Variants in PTPRM observed in about 807,000 individuals in gnomAD.
PTPRM encodes the protein receptor-type tyrosine-protein phosphatase mu.
Under a neutral mutation model 186.7 loss-of-function variants are expected in PTPRM, and 47 were observed. The ratio of observed to expected loss-of-function variants is 0.25; its 90% confidence interval spans 0.20 to 0.32. The LOEUF (loss-of-function observed/expected upper bound fraction) is 0.32, where lower values mean the gene tolerates loss of function less well. Ranked by LOEUF, PTPRM falls within the 10% of genes least tolerant of loss-of-function variation. PTPRM has a pLI of 1.00. For synonymous variants in PTPRM, 668 were observed against 674.9 expected (o/e 0.99, Z 0.16); for missense variants, 1,494 against 1,865.0 (o/e 0.80, Z 3.66).
chr18:7,849,613 G>C (rs930023299), intron 2 of PTPRM, among the ~76,000 whole-genome samples: 2 of 152,218 alleles, frequency 1.3e-5, no homozygotes, highest in African/African-American at 4.8e-5. Flanking sequence ...GAATTGGGCT[G>C]TCTGTTAATA....
chr18:8,296,545 C>A, intron 20 of PTPRM, 90 bp downstream of exon 20: 1 of 903,016 alleles, frequency 1.1e-6, no homozygotes, highest in Admixed American at 1.9e-5. Flanking sequence ...AGGAAATTTA[C>A]AGTGCAATTA....
intron 7 of PTPRM, among the ~76,000 whole-genome samples, chr18:8,000,450 A>C (rs914242635): frequency 3.3e-5 from 5 of 152,196 alleles, no homozygotes; most frequent in African/African-American, 1.2e-4. Flanking sequence ...AATATATAAA[A>C]TAATATGTTT....
At chr18:8,235,080 A>G (rs2094328612) in intron 14 of PTPRM, among the ~76,000 whole-genome samples, 1 of 152,072 alleles carries the variant, frequency 6.6e-6, no homozygotes, top group Non-Finnish European at 1.5e-5. Context: ...GGTATTAGGG[A>G]AATGCTGGCC....
chr18:8,097,023 G>A (rs2091047355), intron 11 of PTPRM, among the ~76,000 whole-genome samples: 1 of 149,376 alleles, frequency 6.7e-6, no homozygotes, highest in African/African-American at 2.6e-5. Flanking sequence ...GGTGGGGAGA[G>A]GAATGAGGGC....
intron 32 of PTPRM, among the ~76,000 whole-genome samples, chr18:8,402,519 A>G (rs2095877517): frequency 1.3e-5 from 2 of 152,216 alleles, no homozygotes; most frequent in African/African-American, 4.8e-5. Flanking sequence ...AATATGTTAA[A>G]AGGATGGCTC....
At chr18:7,730,491 C>T (rs879540861) in intron 1 of PTPRM, among the ~76,000 whole-genome samples, 2 of 152,184 alleles carry the variant, frequency 1.3e-5, no homozygotes, top group Non-Finnish European at 2.9e-5. Context: ...GCACTGAATA[C>T]ACTTAGCACT....
rs755752246 is a variant in PTPRM, at chr18:7,888,275, C to T, written c.366C>T (p.Asn122=). 2.1e-5 allele frequency: 34 copies of T among 1,613,998 alleles called. No individual in the cohort carries two copies. Among genetic ancestry groups the T allele is most frequent in the South Asian group, 1.5e-4 (14 of 91,070 alleles). ...GLLNVYVKVN[N]GPLGNPIWNI... is the part of the protein sequence containing the mutation. ...TCAATGTCTACGTGAAGGTCAATAA[C>T]GGGCCACTGGGGAATCCTATCTGGA... The change falls in exon 3 of 33, where the codon AAC becomes AAT. Residue 122 remains asparagine, a synonymous_variant. Coordinates refer to ENST00000580170, the MANE Select transcript of PTPRM (RefSeq NM_001105244.2).
At chr18:8,220,629 C>T (rs1436968304) in intron 14 of PTPRM, among the ~76,000 whole-genome samples, 1 of 152,156 alleles carries the variant, frequency 6.6e-6, no homozygotes, top group Non-Finnish European at 1.5e-5. Context: ...GTTAGGAAAG[C>T]TGTAGTTCCT....
intron 2 of PTPRM, among the ~76,000 whole-genome samples, chr18:7,790,366 C>T (rs1422655828): frequency 6.6e-6 from 1 of 152,190 alleles, no homozygotes; most frequent in African/African-American, 2.4e-5. Flanking sequence ...AGGCAGCATC[C>T]TGCCCATGTT....
chr18:7,858,468 A>C (rs1435104818), intron 2 of PTPRM, among the ~76,000 whole-genome samples: 1 of 152,094 alleles, frequency 6.6e-6, no homozygotes, highest in Non-Finnish European at 1.5e-5. Context: ...TGAGGTGGGA[A>C]GATTGATCGC....
At chr18:8,248,064 G>T (rs545155111) in intron 16 of PTPRM, 86 bp from the exon 17 acceptor site, 15 of 1,398,434 alleles carry the variant, frequency 1.1e-5, no homozygotes, top group East Asian at 9.1e-5. Context: ...TTTCTATGCA[G>T]AAAATAGGGG....
chr18:7,985,616 G>C, intron 7 of PTPRM, among the ~76,000 whole-genome samples: 1 of 150,206 alleles, frequency 6.7e-6, no homozygotes, highest in Non-Finnish European at 1.5e-5. Flanking sequence ...TACATATACT[G>C]GTAGATACGT....
chr18:7,608,200 G>C (rs2037583893), intron 1 of PTPRM, among the ~76,000 whole-genome samples: 6 of 152,176 alleles, frequency 3.9e-5, no homozygotes. Flanking sequence ...TGAGAGTATT[G>C]AGATGACTTG....
intron 24 of PTPRM, among the ~76,000 whole-genome samples, chr18:8,374,548 T>C (rs1598488631): frequency 6.6e-6 from 1 of 152,226 alleles, no homozygotes; most frequent in Non-Finnish European, 1.5e-5. Flanking sequence ...AGGGAGACCA[T>C]GGCACTGGCA....
intron 13 of PTPRM, among the ~76,000 whole-genome samples, chr18:8,130,891 C>T (rs1313533443): frequency 6.6e-6 from 1 of 152,160 alleles, no homozygotes; most frequent in Admixed American, 6.5e-5. Flanking sequence ...ATCTGTAAAA[C>T]AGGGAGAATA....
At chr18:7,890,835 A>G (rs1205222343) in intron 3 of PTPRM, among the ~76,000 whole-genome samples, 1 of 152,198 alleles carries the variant, frequency 6.6e-6, no homozygotes. Context: ...AGCCATTAAG[A>G]ATAATGTTAT....
At chr18:8,091,065 A>G (rs1214749703) in intron 11 of PTPRM, among the ~76,000 whole-genome samples, 1 of 152,088 alleles carries the variant, frequency 6.6e-6, no homozygotes, top group African/African-American at 2.4e-5. Flanking sequence ...ACACATGTCT[A>G]GTTGTTTTTC....
chr18:7,973,055 C>T (rs1341456838), intron 7 of PTPRM, among the ~76,000 whole-genome samples: 1 of 151,898 alleles, frequency 6.6e-6, no homozygotes, highest in Non-Finnish European at 1.5e-5. Flanking sequence ...ATATATAACC[C>T]ACATATAATA....
At chr18:7,938,868 C>T (rs1001294351) in intron 5 of PTPRM, among the ~76,000 whole-genome samples, 6 of 152,070 alleles carry the variant, frequency 3.9e-5, no homozygotes, top group African/African-American at 7.2e-5. Flanking sequence ...GCCAACTTAA[C>T]GTGTGCTTGT....
Sources: allele counts gnomAD v4.1 joint callset (sites outside exome capture counted in the v4.1 genomes callset), GRCh38; gene constraint gnomAD v4.1.1; transcripts MANE v1.5; gene names NCBI Gene and HGNC (gene_info 2026-07-23, HGNC 2026-07-21).